Variants in SGMS1 observed in about 807,000 individuals in gnomAD.
SGMS1 encodes the protein sphingomyelin synthase 1.
A neutral mutation model predicts 46.2 loss-of-function variants in SGMS1; 13 were observed. That is an observed-to-expected ratio of 0.28 (90% CI 0.18 to 0.45). The LOEUF (loss-of-function observed/expected upper bound fraction) is 0.45, where lower values mean the gene tolerates loss of function less well. Ranked by LOEUF, SGMS1 falls within the 20% of genes least tolerant of loss-of-function variation. SGMS1 has a pLI of 1.00. For synonymous variants in SGMS1, 203 were observed against 187.8 expected, an observed-to-expected ratio of 1.08 and a Z score of -0.66; for missense variants, 324 against 519.9, an observed-to-expected ratio of 0.62 and a Z score of 3.66.
chr10:50,520,531 A>G, intron 2 of SGMS1, among the ~76,000 whole-genome samples: 1 of 152,226 alleles, frequency 6.6e-6, no homozygotes, highest in East Asian at 1.9e-4. Context: ...GCAGCAGCTG[A>G]AATTCCCAAA....
chr10:50,311,927 A>C (rs1847260567), intron 8 of SGMS1, among the ~76,000 whole-genome samples: 1 of 152,212 alleles, frequency 6.6e-6, no homozygotes, highest in Admixed American at 6.5e-5. Flanking sequence ...GATCATGTTG[A>C]AACAAGGGAT....
chr10:50,312,114 T>C (rs905245399), intron 8 of SGMS1, among the ~76,000 whole-genome samples: 3 of 152,188 alleles, frequency 2.0e-5, no homozygotes, highest in Non-Finnish European at 4.4e-5. Flanking sequence ...ACTGTCTATA[T>C]TTTATGCTTG....
chr10:50,330,894 C>G (rs1847614483), intron 7 of SGMS1, among the ~76,000 whole-genome samples: 1 of 152,130 alleles, frequency 6.6e-6, no homozygotes, highest in Non-Finnish European at 1.5e-5. Flanking sequence ...TACATAGATG[C>G]TAGTTTTACC....
chr10:50,396,453 G>GA (rs986282185), intron 6 of SGMS1, among the ~76,000 whole-genome samples: 1 of 152,252 alleles, frequency 6.6e-6, no homozygotes, highest in South Asian at 2.1e-4. Flanking sequence ...AAAGAGAAGT[G>GA]AAAAAATTCA....
intron 2 of SGMS1, among the ~76,000 whole-genome samples, chr10:50,528,596 A>G (rs890267762): frequency 1.3e-5 from 2 of 152,190 alleles, no homozygotes; most frequent in Non-Finnish European, 2.9e-5. Context: ...CCCACTGCAC[A>G]TATTGTGCTT....
chr10:50,505,640 C>T lies in SGMS1; in HGVS notation c.-498+14191G>A, dbSNP rs370478172. ...GGCTTCTAATATGCCAGGCACTGTT[C>T]TAGGTGCTATAGATACAGCAGGGAA... On this transcript the variant is annotated intron_variant, in intron 3 of 10. Transcript: ENST00000361781. Among the ~76,000 whole-genome samples the T allele has an allele frequency of 5.3e-5, 8 of 152,320 alleles. No homozygotes were observed. The East Asian group carries it at 1.5e-3, about 29-fold the overall frequency.
At chr10:50,330,326 C>A (rs1312081246) in intron 7 of SGMS1, among the ~76,000 whole-genome samples, 2 of 122,750 alleles carry the variant, frequency 1.6e-5, no homozygotes, top group Admixed American at 8.7e-5. Context: ...AACAAACAAA[C>A]AAAAAAACAT....
intron 8 of SGMS1, among the ~76,000 whole-genome samples, chr10:50,317,820 T>TTTA (rs1554921832): frequency 6.6e-6 from 1 of 150,916 alleles, no homozygotes; most frequent in African/African-American, 2.4e-5. Context: ...TTTTTTTTTT[T>TTTA]AGACAGTCTC....
chr10:50,612,397 G>A (rs1398973906), intron 1 of SGMS1, among the ~76,000 whole-genome samples: 1 of 152,162 alleles, frequency 6.6e-6, no homozygotes, highest in African/African-American at 2.4e-5. Context: ...AAAGTGGTCT[G>A]GACATGAAAT....
At chr10:50,573,179 C>T (rs1339673559) in intron 2 of SGMS1, among the ~76,000 whole-genome samples, 1 of 152,146 alleles carries the variant, frequency 6.6e-6, no homozygotes, top group Non-Finnish European at 1.5e-5. Flanking sequence ...CTGGAATACA[C>T]AAGAATGCCC....
chr10:50,398,532 T>A (rs1456363142), intron 6 of SGMS1, among the ~76,000 whole-genome samples: 1 of 152,166 alleles, frequency 6.6e-6, no homozygotes, highest in Non-Finnish European at 1.5e-5. Context: ...TAAGTTGGGA[T>A]GTGATGTCAT....
At chr10:50,474,911 A>G (rs537266479) in intron 3 of SGMS1, among the ~76,000 whole-genome samples, 2 of 152,354 alleles carry the variant, frequency 1.3e-5, no homozygotes, top group East Asian at 1.9e-4. Flanking sequence ...TATTGGATAT[A>G]TAAATATTCT....
At chr10:50,493,139 A>G (rs1564927555) in intron 3 of SGMS1, among the ~76,000 whole-genome samples, 3 of 152,212 alleles carry the variant, frequency 2.0e-5, no homozygotes, top group Admixed American at 6.5e-5. Context: ...AAGAAACAGA[A>G]TAGAGAACCC....
At chr10:50,579,352 G>A (rs566198129) in intron 2 of SGMS1, among the ~76,000 whole-genome samples, 130 of 151,974 alleles carry the variant, frequency 8.6e-4, no homozygotes, top group African/African-American at 2.9e-3. Flanking sequence ...AAAACAGAGG[G>A]GGGAATTCAA....
At chr10:50,404,311 A>ATT (rs534874395) in intron 6 of SGMS1, among the ~76,000 whole-genome samples, 4,093 of 142,858 alleles carry the variant, frequency 0.029, 93 homozygotes, top group African/African-American at 0.059. Context: ...TTTTGTTTTG[A>ATT]TTTTTTTTTT....
At chr10:50,435,854 T>C (rs1421165503) in intron 5 of SGMS1, among the ~76,000 whole-genome samples, 1 of 152,228 alleles carries the variant, frequency 6.6e-6, no homozygotes, top group Non-Finnish European at 1.5e-5. Context: ...AAAGTACTCC[T>C]TGACCCCTTC....
chr10:50,406,696 C>T (rs1204346076), intron 6 of SGMS1, among the ~76,000 whole-genome samples: 1 of 118,346 alleles, frequency 8.4e-6, no homozygotes, highest in African/African-American at 3.3e-5. Context: ...TTTGTTATAG[C>T]TATAATTCTT....
intron 8 of SGMS1, among the ~76,000 whole-genome samples, chr10:50,319,965 A>G (rs971584279): frequency 4.6e-5 from 7 of 152,222 alleles, no homozygotes; most frequent in Non-Finnish European, 1.0e-4. Flanking sequence ...TTATTACTGT[A>G]GTGGTTGCAA....
intron 2 of SGMS1, among the ~76,000 whole-genome samples, chr10:50,533,940 C>G (rs781635105): frequency 6.6e-6 from 1 of 152,132 alleles, no homozygotes; most frequent in Non-Finnish European, 1.5e-5. Context: ...GTCCCAGCTA[C>G]TTGGGAGGCT....
Sources: gnomAD v4.1 joint callset for allele counts (sites outside exome capture counted in the v4.1 genomes callset) on GRCh38, gnomAD v4.1.1 for gene constraint, MANE v1.5 for transcripts, NCBI Gene and HGNC (gene_info 2026-07-23, HGNC 2026-07-21) for gene names.